Variants in PRKAG1 observed in about 807,000 individuals in gnomAD.
The protein encoded by PRKAG1 is protein kinase AMP-activated non-catalytic subunit gamma 1.
PRKAG1 carries 27 observed loss-of-function variants against 48.2 expected under a neutral mutation model. The observed-to-expected ratio is 0.56, with a 90% CI of 0.41 to 0.77. The LOEUF (loss-of-function observed/expected upper bound fraction) is 0.77, where lower values mean the gene tolerates loss of function less well. Ranked by LOEUF, PRKAG1 falls within the 30% of genes least tolerant of loss-of-function variation. The pLI is 0.00. For synonymous variants in PRKAG1, 130 were observed against 147.7 expected (o/e 0.88, Z 0.87); for missense variants, 287 against 398.3 (o/e 0.72, Z 2.38).
intron 2 of PRKAG1, among the ~76,000 whole-genome samples, chr12:49,006,509 C>T (rs1373788217): frequency 6.6e-6 from 1 of 152,230 alleles, no homozygotes; most frequent in Non-Finnish European, 1.5e-5. Flanking sequence ...ATTCTGGGAT[C>T]ACCCTGTAAA....
rs1592272986 is a variant in PRKAG1, at chr12:49,005,271, A to G, written c.309+35T>C. On this transcript the variant is annotated intron_variant, in intron 5 of 11. Coordinates refer to ENST00000548065, the MANE Select transcript of PRKAG1 (RefSeq NM_002733.5). This position sits in a 1 kb window ranked among gnomAD's most constrained non-coding sequence, Gnocchi z 4.1. Reference sequence around the variant, plus strand: ...TGAGAATGAGGGATTTAGGGCAGGGAAAGTGATTTTGGTCATTGGGTTAAG... The same window carrying G: ...TGAGAATGAGGGATTTAGGGCAGGGGAAGTGATTTTGGTCATTGGGTTAAG... 1 of 1,613,426 alleles carries G rather than the reference A, an allele frequency of 6.2e-7. No homozygotes were observed. The highest frequency in any genetic ancestry group is 8.5e-7 in the Non-Finnish European group (1 of 1,179,456).
chr12:49,005,357 C>T lies in PRKAG1; in HGVS notation c.258G>A (p.Leu86=), dbSNP rs1941495281. The T allele has an allele frequency of 6.2e-7, 1 of 1,614,036 alleles. No homozygotes were observed. Among genetic ancestry groups the T allele is most frequent in the East Asian group, 2.2e-5 (1 of 44,900 alleles). ...DSKKQSFVGM[L]TITDFINILH... ...GGATATTGATGAAATCAGTGATGGT[C>T]AGCATGCCTAGAGGACAAGACAGAG... Residue 86 remains leucine (L), a synonymous_variant, in exon 5 of 12, where the codon CTG becomes CTA. Coordinates refer to ENST00000548065, the MANE Select transcript of PRKAG1 (RefSeq NM_002733.5). This position sits in a 1 kb window ranked among gnomAD's most constrained non-coding sequence, Gnocchi z 4.1.
intron 1 of PRKAG1, among the ~76,000 whole-genome samples, chr12:49,013,897 T>C (rs1188643937): frequency 1.3e-5 from 2 of 152,214 alleles, no homozygotes; most frequent in African/African-American, 2.4e-5. Flanking sequence ...TTGTTTGTTT[T>C]GTTTTGAGGC....
intron 2 of PRKAG1, among the ~76,000 whole-genome samples, chr12:49,010,870 G>A (rs1440921862): frequency 6.7e-6 from 1 of 149,836 alleles, no homozygotes; most frequent in Non-Finnish European, 1.5e-5. Flanking sequence ...TTGAGACAGA[G>A]TCTTGCTCTG....
At position 49,018,737 on chromosome 12, in the gene PRKAG1, C is replaced by G; in HGVS notation, c.4G>C (p.Glu2Gln). 6.2e-7 allele frequency: 1 copy of G among 1,613,238 alleles called. No homozygotes were observed. The highest frequency in any genetic ancestry group is 8.5e-7 in the Non-Finnish European group (1 of 1,180,022). The part of the protein sequence containing the change: M[E>Q]TVISSDSSPA... ...CGCCCTCCTGCACTCCTCACCGTCTCCATTGCAAGAGGCGCCCGGCTTGGT... is the reference window on the plus strand; with the variant it reads ...CGCCCTCCTGCACTCCTCACCGTCTGCATTGCAAGAGGCGCCCGGCTTGGT... The change falls in exon 1 of 12, where the codon GAG becomes CAG. Residue 2 changes from glutamate to glutamine, a missense_variant. Transcript: ENST00000548065.
At chr12:49,012,293 T>C (rs575323683) in intron 2 of PRKAG1, among the ~76,000 whole-genome samples, 1 of 152,388 alleles carries the variant, frequency 6.6e-6, no homozygotes, top group South Asian at 2.1e-4. Context: ...GCATTGGAAC[T>C]GTCTTCCCTG....
Position 49,005,394 on chromosome 12 carries a change from G to A in PRKAG1, c.251-30C>T. ...AGGACAAGACAGAGCCCTCAGCACT[G>A]CCTGAAGCTTGTCTCCCTGCCCAGC... On this transcript the variant is annotated intron_variant, in intron 4 of 11. Coordinates refer to ENST00000548065, the MANE Select transcript of PRKAG1 (RefSeq NM_002733.5). The surrounding 1 kb of genome is among the most constrained non-coding windows in gnomAD (Gnocchi z 4.1). The A allele has an allele frequency of 6.2e-6, 10 of 1,614,058 alleles. No homozygotes were observed. The highest frequency in any genetic ancestry group is 8.5e-6 in the Non-Finnish European group (10 of 1,180,034).
At chr12:49,013,131 A>C in intron 1 of PRKAG1, 21 bp from the exon 2 acceptor site, 1 of 1,608,672 alleles carries the variant, frequency 6.2e-7, no homozygotes, top group Non-Finnish European at 8.5e-7. Context: ...AAGAAAACAG[A>C]TTCAGCTTAA....
chr12:49,005,530 A>C lies in PRKAG1; in HGVS notation c.182T>G (p.Phe61Cys). 2.5e-6 allele frequency: 4 copies of C among 1,614,228 alleles called. No individual in the cohort carries two copies. Among genetic ancestry groups the C allele is most frequent in the Non-Finnish European group, 2.5e-6 (3 of 1,180,036 alleles). ...FDTSLQVKKAFFALVTNGVRA... is the reference protein window; with the variant it reads ...FDTSLQVKKACFALVTNGVRA... ...TACACCGTTAGTCACCAAAGCAAAA[A>C]AAGCTTTCTTCACCTGTAGCCAAGA... The change falls in exon 4 of 12, where the codon TTT becomes TGT. Residue 61 changes from phenylalanine (F) to cysteine (C), a missense_variant. Around this residue, in one of 2 missense-constraint regions of PRKAG1, gnomAD observed 224 missense variants for 344.3 expected, o/e 0.65. Transcript: ENST00000548065. The surrounding 1 kb of genome is among the most constrained non-coding windows in gnomAD (Gnocchi z 4.1).
chr12:49,002,996 A>C lies in PRKAG1; in HGVS notation c.899T>G (p.Leu300Arg). ...NRLVEAEVHR[L>R]VVVDENDVVK... is the part of the protein sequence containing the mutation. Reference sequence around the variant, plus strand: ...CACATCATTTTCATCCACCACTACAAGTCGGTGAACCTGGCACAGAGCAAC... The same window carrying C: ...CACATCATTTTCATCCACCACTACACGTCGGTGAACCTGGCACAGAGCAAC... The change falls in exon 12 of 12, where the codon CTT becomes CGT. Residue 300 changes from leucine (L) to arginine (R), a missense_variant. By Grantham distance (102) the Leu-to-Arg change is moderately radical. Coordinates refer to ENST00000548065, the MANE Select transcript of PRKAG1 (RefSeq NM_002733.5). 1 of 1,614,196 alleles carries C rather than the reference A, an allele frequency of 6.2e-7. No individual in the cohort carries two copies. The highest frequency in any genetic ancestry group is 1.1e-5 in the South Asian group (1 of 91,084).
intron 1 of PRKAG1, among the ~76,000 whole-genome samples, chr12:49,016,430 A>C (rs750482755): frequency 5.3e-5 from 8 of 152,342 alleles, no homozygotes; most frequent in Non-Finnish European, 8.8e-5. Flanking sequence ...CTTGAATACG[A>C]AACAAAACAT....
Position 49,005,248 on chromosome 12 carries a change from A to C in PRKAG1, c.309+58T>G, listed in dbSNP as rs1272370863. On this transcript the variant is annotated intron_variant, in intron 5 of 11. Coordinates refer to ENST00000548065, the MANE Select transcript of PRKAG1 (RefSeq NM_002733.5). The surrounding 1 kb of genome is among the most constrained non-coding windows in gnomAD (Gnocchi z 4.1). The stretch of plus-strand genomic sequence containing the variant: ...TGGCTTGCTTGGAGAAAAAGAAATG[A>C]GAATGAGGGATTTAGGGCAGGGAAA... 1 of 1,612,780 alleles carries C rather than the reference A, an allele frequency of 6.2e-7. No individual in the cohort carries two copies. Among genetic ancestry groups the C allele is most frequent in the Non-Finnish European group, 8.5e-7 (1 of 1,178,942 alleles).
intron 1 of PRKAG1, chr12:49,017,909 T>A (rs994617588): frequency 6.6e-6 from 1 of 152,168 alleles, no homozygotes; most frequent in Non-Finnish European, 1.5e-5. Flanking sequence ...AAAACCAAGA[T>A]GGAAAGAGTT....
intron 1 of PRKAG1, among the ~76,000 whole-genome samples, chr12:49,013,578 T>A (rs150148114): frequency 6.6e-6 from 1 of 152,202 alleles, no homozygotes; most frequent in Non-Finnish European, 1.5e-5. Context: ...TCTCATTTAA[T>A]CTTCATAACA....
chr12:49,004,088 G>A (rs760988102), intron 8 of PRKAG1, 166 bp from the exon 9 acceptor site: 54 of 907,164 alleles, frequency 6.0e-5, no homozygotes, highest in Middle Eastern at 3.5e-4. Flanking sequence ...CCAGGAGTTC[G>A]AGACCAGCCT....
chr12:49,016,069 C>G, intron 1 of PRKAG1, among the ~76,000 whole-genome samples: 1 of 152,022 alleles, frequency 6.6e-6, no homozygotes, highest in East Asian at 1.9e-4. Flanking sequence ...TCCCGGGCTG[C>G]TGGGACTACA....
At chr12:49,017,491 C>A (rs374381073) in intron 1 of PRKAG1, 4 of 266,000 alleles carry the variant, frequency 1.5e-5, no homozygotes, top group South Asian at 9.9e-5. Context: ...GCATTACAGG[C>A]GTGAGCCACC....
intron 2 of PRKAG1, among the ~76,000 whole-genome samples, chr12:49,009,624 T>A (rs1197962529): frequency 2.6e-5 from 4 of 152,186 alleles, no homozygotes; most frequent in Non-Finnish European, 4.4e-5. Context: ...TTGTTTTTGT[T>A]TTTTTGAGAC....
intron 7 of PRKAG1, 49 bp from the exon 8 acceptor site, chr12:49,004,682 T>G (rs1238599048): frequency 6.2e-7 from 1 of 1,610,800 alleles, no homozygotes; most frequent in Admixed American, 1.7e-5. Flanking sequence ...GGGCTGGGGG[T>G]GATTAAACAG....
Sources: gnomAD v4.1 joint callset for allele counts (sites outside exome capture counted in the v4.1 genomes callset) on GRCh38, gnomAD v4.1.1 for gene constraint, gnomAD v4.1.1 regional missense constraint, Gnocchi (gnomAD v3.1) non-coding constraint, MANE v1.5 for transcripts, NCBI Gene and HGNC (gene_info 2026-07-23, HGNC 2026-07-21) for gene names.